Variants in MYO5C observed in about 807,000 individuals in gnomAD.
The protein encoded by MYO5C is myosin VC.
A neutral mutation model predicts 235.7 loss-of-function variants in MYO5C; 194 were observed. The observed-to-expected ratio is 0.82, with a 90% CI of 0.73 to 0.93. MYO5C has a LOEUF of 0.93. Among genes scored for constraint, MYO5C ranks in the 40% least tolerant of loss-of-function variants. The pLI, the probability that MYO5C is intolerant of heterozygous loss-of-function variation, is 0.00. For missense variants in MYO5C, 2,038 were observed against 2,127.2 expected (o/e 0.96, Z 0.82); for synonymous variants, 707 against 754.8 (o/e 0.94, Z 1.04).
chr15:52,255,839 T>C (rs778372934), intron 11 of MYO5C, among the ~76,000 whole-genome samples: 1 of 151,532 alleles, frequency 6.6e-6, no homozygotes, highest in Non-Finnish European at 1.5e-5. Flanking sequence ...GTATACACAG[T>C]ATACACTCAA....
intron 25 of MYO5C, 130 bp downstream of exon 25, chr15:52,229,003 C>G: frequency 3.0e-6 from 3 of 999,712 alleles, no homozygotes; most frequent in Non-Finnish European, 4.4e-6. Context: ...GTTGGAAGGA[C>G]TGAAGGAATC....
At chr15:52,252,876 T>A (rs1337200418) in intron 12 of MYO5C, among the ~76,000 whole-genome samples, 2 of 152,208 alleles carry the variant, frequency 1.3e-5, no homozygotes, top group Non-Finnish European at 2.9e-5. Flanking sequence ...CTGGCCTACT[T>A]CAGAGTTTCC....
chr15:52,222,143 T>A (rs1277771385), intron 29 of MYO5C, among the ~76,000 whole-genome samples: 1 of 152,142 alleles, frequency 6.6e-6, no homozygotes, highest in Non-Finnish European at 1.5e-5. Flanking sequence ...GTAGGTCAGG[T>A]GTATTATATG....
Position 52,239,723 on chromosome 15 carries a change from G to A in MYO5C, c.2703+10C>T. The A allele has an allele frequency of 6.3e-7, 1 of 1,586,516 alleles. No homozygotes were observed. The highest frequency in any genetic ancestry group is 1.1e-5 in the South Asian group (1 of 87,674). Reference sequence around the variant, plus strand: ...AAAGTAAATGTAAAAGATGCACTATGAGCACCTACCTGATCTTCCAACTTT... The same window carrying A: ...AAAGTAAATGTAAAAGATGCACTATAAGCACCTACCTGATCTTCCAACTTT... On this transcript the variant is annotated intron_variant, in intron 21 of 40. Coordinates refer to ENST00000261839, the MANE Select transcript of MYO5C (RefSeq NM_018728.4).
At chr15:52,244,235 T>G in intron 19 of MYO5C, 121 bp downstream of exon 19, 1 of 896,736 alleles carries the variant, frequency 1.1e-6, no homozygotes, top group Non-Finnish European at 1.7e-6. Context: ...AGGGGACCCA[T>G]GCACGTCTGC....
At chr15:52,227,972 A>T (rs1283134461) in intron 25 of MYO5C, among the ~76,000 whole-genome samples, 1 of 152,220 alleles carries the variant, frequency 6.6e-6, no homozygotes, top group African/African-American at 2.4e-5. Context: ...AATGTCTTAC[A>T]TTTAAGAACG....
At position 52,204,592 on chromosome 15, in the gene MYO5C, C is replaced by T. The variant is rs566293662; in HGVS notation, c.4820+273G>A. 1.3e-5 allele frequency among the ~76,000 whole-genome samples: 2 copies of T among 152,204 alleles called. 1 individual carries two copies. The highest frequency in any genetic ancestry group is 1.3e-4 in the Admixed American group (2 of 15,302). On this transcript the variant is annotated intron_variant, in intron 38 of 40. Transcript: ENST00000261839. ...TCACTACTGGTTGAGTGCATGACCA[C>T]CCTAGAGGGCCAGAATTTAAGATGA...
chr15:52,244,623 C>T (rs2036299974), intron 18 of MYO5C, 56 bp from the exon 19 acceptor site: 1 of 1,308,466 alleles, frequency 7.6e-7, no homozygotes, highest in Admixed American at 2.0e-5. Flanking sequence ...TTCTATAATA[C>T]AGTATTTGGA....
chr15:52,248,909 G>A (rs886892203), intron 13 of MYO5C, 126 bp from the exon 14 acceptor site: 23 of 666,360 alleles, frequency 3.5e-5, no homozygotes, highest in Non-Finnish European at 4.9e-5. Flanking sequence ...ACAAAAAGAC[G>A]TCTGGCTTCT....
rs114283213 is a variant in MYO5C, at chr15:52,241,020, C to T, written c.2556+1028G>A. ...GAAAGAAAGAAAATTATTTTTTTGC[C>T]GTATGAAACTCATCTCATCACCCTT... On this transcript the variant is annotated intron_variant, in intron 20 of 40. Transcript: ENST00000261839. Among the ~76,000 whole-genome samples, 309 of 152,134 alleles carry T rather than the reference C, an allele frequency of 2.0e-3. 1 individual carries two copies. Among genetic ancestry groups the T allele is most frequent in the African/African-American group, 7.2e-3 (298 of 41,526 alleles).
In MYO5C at chr15:52,279,421, C is replaced by T. The variant is rs1406682315; in HGVS notation, c.304+88G>A. 4.4e-6 allele frequency: 6 copies of T among 1,367,152 alleles called. No homozygotes were observed. The African/African-American group carries it at 5.8e-5, about 13-fold the overall frequency. The allele number at this position is 1,367,152 out of a possible 1,614,324, so 84.7% of individuals were successfully genotyped here. On this transcript the variant is annotated intron_variant, in intron 3 of 40. Transcript: ENST00000261839. Reference sequence around the variant, plus strand: ...CTTTTTACAACAAACTCTGGGTGCTCAGTATAAACATAAAACAACCAGGAG... The same window carrying T: ...CTTTTTACAACAAACTCTGGGTGCTTAGTATAAACATAAAACAACCAGGAG...
intron 24 of MYO5C, 147 bp downstream of exon 24, chr15:52,232,475 T>G: frequency 2.7e-6 from 2 of 735,742 alleles, no homozygotes; most frequent in Non-Finnish European, 2.4e-6. Flanking sequence ...GGAACTTAGC[T>G]CTCATAAATC....
intron 7 of MYO5C, 49 bp from the exon 8 acceptor site, chr15:52,269,909 A>G: frequency 7.8e-7 from 1 of 1,275,842 alleles, no homozygotes; most frequent in South Asian, 1.2e-5. Context: ...AGAAATTTGG[A>G]CATACACATT....
chr15:52,241,163 G>A (rs4774615), intron 20 of MYO5C, among the ~76,000 whole-genome samples: 102,069 of 151,374 alleles, frequency 0.67, 38,157 homozygotes, highest in Non-Finnish European at 0.84. Flanking sequence ...ATATTACTTT[G>A]AATTCGTTTC....
At position 52,245,977 on chromosome 15, in the gene MYO5C, C is replaced by T. The variant is rs1447314649; in HGVS notation, c.2045G>A (p.Ser682Asn). ...ATACCTGGAAGGGTAGCTCTGTGCA[C>T]TAATGCGAATCGTTTCTAAAACGCC... ...ACGVLETIRISAQSYPSRWTY... is the reference protein window; with the variant it reads ...ACGVLETIRINAQSYPSRWTY... Residue 682 changes from serine (S) to asparagine (N), a missense_variant, in exon 17 of 41, where the codon AGT becomes AAT. Coordinates refer to ENST00000261839, the MANE Select transcript of MYO5C (RefSeq NM_018728.4). The T allele has an allele frequency of 6.2e-7, 1 of 1,614,192 alleles. No individual in the cohort carries two copies. The highest frequency in any genetic ancestry group is 1.7e-5 in the Admixed American group (1 of 60,026).
intron 9 of MYO5C, among the ~76,000 whole-genome samples, chr15:52,263,074 C>T (rs1419617189): frequency 1.3e-5 from 2 of 152,124 alleles, no homozygotes; most frequent in East Asian, 1.9e-4. Flanking sequence ...TCACCAGAAC[C>T]GACCAGGCTG....
Position 52,286,866 on chromosome 15 carries a change from G to C in MYO5C, c.28-3974C>G, listed in dbSNP as rs549356782. 1.5e-3 allele frequency among the ~76,000 whole-genome samples: 227 copies of C among 149,450 alleles called. 1 individual carries two copies. The highest frequency in any genetic ancestry group is 5.2e-3 in the African/African-American group (212 of 40,420). On this transcript the variant is annotated intron_variant, in intron 1 of 40. Coordinates refer to ENST00000261839, the MANE Select transcript of MYO5C (RefSeq NM_018728.4). ...ACCTCTGTTCACTTGTTTATCTGCT[G>C]ACCTTCCCTCCACTATTGTCCTGTG...
At chr15:52,230,541 TG>T (rs34542130) in intron 24 of MYO5C, among the ~76,000 whole-genome samples, 1 of 151,900 alleles carries the variant, frequency 6.6e-6, no homozygotes, top group African/African-American at 2.4e-5. Context: ...CCCGAGTAGC[TG>T]GGATTATAAG....
At chr15:52,216,945 C>T (rs1186780565) in intron 32 of MYO5C, among the ~76,000 whole-genome samples, 1 of 152,192 alleles carries the variant, frequency 6.6e-6, no homozygotes, top group Non-Finnish European at 1.5e-5. Flanking sequence ...CTGGAGCCCT[C>T]TAGAAGCTGG....
Sources: gnomAD v4.1 joint callset for allele counts (sites outside exome capture counted in the v4.1 genomes callset) on GRCh38, gnomAD v4.1.1 for gene constraint, MANE v1.5 for transcripts, NCBI Gene and HGNC (gene_info 2026-07-23, HGNC 2026-07-21) for gene names.